MORC4: variants seen among roughly 807,000 people sequenced by gnomAD.
MORC4 encodes the protein MORC family CW-type zinc finger 4.
A neutral mutation model predicts 65.5 loss-of-function variants in MORC4; 22 were observed. That is an observed-to-expected ratio of 0.34 (90% confidence interval 0.24 to 0.48). The LOEUF (loss-of-function observed/expected upper bound fraction) is 0.48, where lower values mean the gene tolerates loss of function less well. Ranked by LOEUF, MORC4 falls within the 20% of genes least tolerant of loss-of-function variation. The pLI is 0.99. For synonymous variants in MORC4, 267 were observed against 255.8 expected (o/e 1.04, Z -0.42); for missense variants, 624 against 703.0 (o/e 0.89, Z 1.27).
chrX:106,980,120 A>G (rs763880161), intron 7 of MORC4, among the ~76,000 whole-genome samples: 1 of 110,796 alleles, frequency 9.0e-6, no homozygotes, highest in African/African-American at 3.3e-5. Flanking sequence ...AATTAAAAGG[A>G]CAATTTTTCA....
intron 9 of MORC4, among the ~76,000 whole-genome samples, chrX:106,971,264 T>C (rs1934503261): frequency 8.9e-6 from 1 of 112,155 alleles, no homozygotes; most frequent in South Asian, 3.7e-4. Context: ...GCTAGCCATA[T>C]GCAGAAAACT....
In MORC4 at chrX:106,942,798, G is replaced by T; in HGVS notation, c.2093C>A (p.Ala698Asp). The T allele has an allele frequency of 8.3e-7, 1 of 1,211,390 alleles. No homozygotes were observed. The highest frequency in any genetic ancestry group is 1.1e-6 in the Non-Finnish European group (1 of 895,394). The stretch of plus-strand genomic sequence containing the variant: ...AGCTCCTGAATCTCTAACACCTTTG[G>T]CAACACCCACAACAGCTACAAAAGG... ...KGPFVAVVGVAKGVRDSGAPI... is the reference protein window; with the variant it reads ...KGPFVAVVGVDKGVRDSGAPI... Residue 698 changes from alanine to aspartate, a missense_variant, in exon 15 of 17, where the codon GCC becomes GAC. Coordinates refer to ENST00000355610, the MANE Select transcript of MORC4 (RefSeq NM_024657.5).
chrX:106,997,565 G>A (rs1246540762), intron 2 of MORC4, among the ~76,000 whole-genome samples: 1 of 112,220 alleles, frequency 8.9e-6, no homozygotes, highest in Non-Finnish European at 1.9e-5. Flanking sequence ...TAGTATATAT[G>A]TAACCTTGGA....
chrX:106,980,401 A>G (rs976475829), intron 7 of MORC4, among the ~76,000 whole-genome samples: 2 of 111,050 alleles, frequency 1.8e-5, no homozygotes, highest in East Asian at 5.6e-4. Context: ...TCCTAATTTC[A>G]ATCAATGTAA....
chrX:106,999,652 G>C (rs762110968), intron 2 of MORC4, 25 bp downstream of exon 2: 84 of 1,110,973 alleles, frequency 7.6e-5, no homozygotes, highest in Non-Finnish European at 9.2e-5. Flanking sequence ...GGGCGAACAC[G>C]GCCGGGCCCG....
rs373466775 is a variant in MORC4 at position 106,941,445 on chromosome X, A to C, written c.*34T>G. 1.4e-4 allele frequency: 156 copies of C among 1,116,083 alleles called. 1 individual carries two copies. Among genetic ancestry groups the C allele is most frequent in the Non-Finnish European group, 1.5e-5 (12 of 826,909 alleles). The allele number at this position is 1,116,083 out of a possible 1,213,427, so 92.0% of individuals were successfully genotyped here. ...AGGGAGAGAAAAGAGAACAGACAGA[A>C]GATAAGAGAAGAGAAGGGTATACAG... On this transcript the variant is annotated 3_prime_UTR_variant, in exon 17 of 17. Transcript: ENST00000355610.
intron 5 of MORC4, among the ~76,000 whole-genome samples, chrX:106,982,343 G>A (rs998004667): frequency 8.9e-6 from 1 of 112,006 alleles, no homozygotes; most frequent in Non-Finnish European, 1.9e-5. Context: ...TCGAGCTCTA[G>A]TGATAACTCT....
At chrX:106,981,046 G>A (rs1555988293) in intron 6 of MORC4, 27 bp from the exon 7 acceptor site, 1 of 1,201,565 alleles carries the variant, frequency 8.3e-7, no homozygotes, top group South Asian at 1.8e-5. Flanking sequence ...TGAAGGGAAA[G>A]TTATTATGTG....
intron 7 of MORC4, among the ~76,000 whole-genome samples, chrX:106,980,324 C>T (rs1027941151): frequency 9.9e-5 from 11 of 110,665 alleles, no homozygotes; most frequent in Admixed American, 9.6e-5. Flanking sequence ...ATGAAAAGTA[C>T]CAGGAATTTA....
Position 106,964,969 on chromosome X carries a change from T to C in MORC4, c.1158-2859A>G, listed in dbSNP as rs771151142. ...GTTGTAGTGAGCCAAGATGGTGCCA[T>C]TGCACTCCAGCCTGGGCAACAAGAG... is the stretch of plus-strand genomic sequence containing the variant. On this transcript the variant is annotated intron_variant, in intron 9 of 16. Transcript: ENST00000355610. Among the ~76,000 whole-genome samples the C allele has an allele frequency of 2.7e-4, 29 of 105,911 alleles. 1 individual carries two copies. Among genetic ancestry groups the C allele is most frequent in the Non-Finnish European group, 5.2e-4 (27 of 51,829 alleles). The allele number at this position is 105,911 out of a possible 115,157, so 92.0% of individuals were successfully genotyped here.
At chrX:106,941,745 T>C in intron 16 of MORC4, 113 bp from the exon 17 acceptor site, 1 of 882,292 alleles carries the variant, frequency 1.1e-6, no homozygotes, top group Non-Finnish European at 1.6e-6. Context: ...TATGTTTTCA[T>C]TAGCTAGAAA....
In MORC4 at chrX:106,981,355, T is replaced by C; in HGVS notation, c.797A>G (p.Tyr266Cys). 8.3e-7 allele frequency: 1 copy of C among 1,199,412 alleles called. No individual in the cohort carries two copies. Among genetic ancestry groups the C allele is most frequent in the Non-Finnish European group, 1.1e-6 (1 of 891,499 alleles). ...GVTSELPETE[Y>C]SLRAFCGILY... ...ACCATTCTTACTTACCCTTAAAGAA[T>C]ATTCTGTTTCTGGTAGCTCAGAGGT... Residue 266 changes from tyrosine (Y) to cysteine (C), a missense_variant, in exon 6 of 17, where the codon TAT (tyrosine) becomes TGT (cysteine). By Grantham distance (194) the Tyr-to-Cys change is radical. Transcript: ENST00000355610.
Position 106,955,042 on chromosome X carries a change from C to A in MORC4, c.1556G>T (p.Gly519Val). The A allele has an allele frequency of 8.3e-7, 1 of 1,206,021 alleles. No individual in the cohort carries two copies. Residue 519 changes from glycine (G) to valine (V), a missense_variant, in exon 14 of 17, where the codon GGA becomes GTA. Gly to Val is a moderately radical substitution (Grantham distance 109, BLOSUM62 -3). Coordinates refer to ENST00000355610, the MANE Select transcript of MORC4 (RefSeq NM_024657.5). The part of the protein sequence containing the change: ...PKILTVQEMA[G>V]LNNKTIGYEG... ...ATATCCAATTGTCTTGTTATTCAAT[C>A]CAGCCATTTCTTGAACAGTAAGGAT...
At chrX:106,963,589 G>A (rs1345702570) in intron 9 of MORC4, among the ~76,000 whole-genome samples, 1 of 111,637 alleles carries the variant, frequency 9.0e-6, no homozygotes, top group Non-Finnish European at 1.9e-5. Flanking sequence ...AGAGACCATT[G>A]TTGTTGAACC....
intron 13 of MORC4, 29 bp downstream of exon 13, chrX:106,956,451 G>T (rs1415094255): frequency 4.3e-6 from 5 of 1,150,490 alleles, no homozygotes; most frequent in Non-Finnish European, 5.9e-6. Context: ...TGTTGTGTGA[G>T]AACAATAAGG....
intron 14 of MORC4, among the ~76,000 whole-genome samples, chrX:106,947,432 T>C (rs1261337224): frequency 9.4e-6 from 1 of 106,160 alleles, no homozygotes; most frequent in African/African-American, 3.4e-5. Context: ...TTATTGAAAG[T>C]AGGGCATTGA....
intron 1 of MORC4, 39 bp downstream of exon 1, chrX:106,999,829 G>A (rs1442329228): frequency 3.7e-5 from 32 of 864,071 alleles, no homozygotes; most frequent in South Asian, 5.9e-5. Context: ...CAGCCCAGGG[G>A]CCCGCGCGCG....
At chrX:106,945,644 T>C (rs1487223442) in intron 14 of MORC4, among the ~76,000 whole-genome samples, 10 of 111,262 alleles carry the variant, frequency 9.0e-5, no homozygotes, top group Non-Finnish European at 9.4e-5. Context: ...CCAGAAAGTC[T>C]GGCAAGTCCT....
intron 16 of MORC4, 42 bp downstream of exon 16, chrX:106,941,896 C>T (rs373854503): frequency 2.7e-5 from 31 of 1,163,182 alleles, no homozygotes; most frequent in Non-Finnish European, 3.5e-5. Context: ...GGATGCTTCC[C>T]ATTAGCACTC....
Sources: gnomAD v4.1 joint callset for allele counts (sites outside exome capture counted in the v4.1 genomes callset) on GRCh38, gnomAD v4.1.1 for gene constraint, MANE v1.5 for transcripts, NCBI Gene and HGNC (gene_info 2026-07-23, HGNC 2026-07-21) for gene names.